Variants in SLC36A4 observed in about 807,000 individuals in gnomAD.
The protein encoded by SLC36A4 is neutral amino acid uniporter 4.
In SLC36A4, 49 loss-of-function variants were observed where a neutral mutation model predicts 50.5. That is an observed-to-expected ratio of 0.97 (90% CI 0.77 to 1.23). SLC36A4 has a LOEUF of 1.23. SLC36A4 is among the 50% of genes most tolerant of loss of function. The probability of loss-of-function intolerance (pLI) is 0.00; values close to 1 mark genes in which losing one functional copy is unlikely to be tolerated. For synonymous variants in SLC36A4, 207 were observed against 206.5 expected (o/e 1.00, Z -0.02); for missense variants, 611 against 608.4 (o/e 1.00, Z -0.05).
chr11:93,156,405 G>A (rs1308070500), intron 9 of SLC36A4, among the ~76,000 whole-genome samples: 2 of 151,352 alleles, frequency 1.3e-5, no homozygotes, highest in East Asian at 1.9e-4. Flanking sequence ...GTCTGTTCAC[G>A]TCCTTTGCCC....
chr11:93,160,226 A>C, intron 9 of SLC36A4: 1 of 985,414 alleles, frequency 1.0e-6, no homozygotes, highest in Non-Finnish European at 1.2e-6. Flanking sequence ...ACAGAAACAG[A>C]CTATAGGCTG....
rs556226591 is a variant in SLC36A4 at position 93,168,305 on chromosome 11, AC to A, written c.541-135del. The stretch of plus-strand genomic sequence containing the variant: ...TCCTATGATATATTTTAAAATATTT[AC>A]ATTTACATTTTTTCAAGATACTCTG... On this transcript the variant is annotated intron_variant, in intron 6 of 10. Coordinates refer to ENST00000326402, the MANE Select transcript of SLC36A4 (RefSeq NM_152313.4). 166 of 464,386 alleles carry A rather than the reference AC, an allele frequency of 3.6e-4. No individual in the cohort carries two copies. In the South Asian group the frequency reaches 4.3e-3, roughly 12 times the overall value. The allele number at this position is 464,386 out of a possible 1,614,324, so 28.8% of individuals were successfully genotyped here.
At chr11:93,182,380 A>ACCAT in intron 4 of SLC36A4, 1 of 239,688 alleles carries the variant, frequency 4.2e-6, no homozygotes, top group Non-Finnish European at 6.7e-6. Flanking sequence ...TGTCCAGTAG[A>ACCAT]AGTATTTCAT....
intron 6 of SLC36A4, among the ~76,000 whole-genome samples, chr11:93,174,790 G>A (rs1428502496): frequency 2.1e-5 from 3 of 144,592 alleles, no homozygotes; most frequent in Non-Finnish European, 1.5e-5. Flanking sequence ...GCATCCCAGG[G>A]TTGAAGCCCA....
intron 9 of SLC36A4, among the ~76,000 whole-genome samples, chr11:93,158,799 T>C: frequency 1.3e-5 from 2 of 152,072 alleles, no homozygotes; most frequent in East Asian, 3.9e-4. Flanking sequence ...GTTTTAGAAA[T>C]GAAGAACATT....
intron 6 of SLC36A4, among the ~76,000 whole-genome samples, chr11:93,169,831 A>G (rs551514667): frequency 6.6e-6 from 1 of 152,248 alleles, no homozygotes; most frequent in South Asian, 2.1e-4. Context: ...TTAACATTCT[A>G]GTAACTAAAT....
At position 93,186,140 on chromosome 11, in the gene SLC36A4, T is replaced by C. The variant is rs147152957; in HGVS notation, c.56-326A>G. Among the ~76,000 whole-genome samples the C allele has an allele frequency of 6.6e-4, 100 of 152,340 alleles. 3 individuals are homozygous for C. The highest frequency in any genetic ancestry group is 3.4e-3 in the Middle Eastern group (1 of 294). On this transcript the variant is annotated intron_variant, in intron 1 of 10. Transcript: ENST00000326402. ...AGAAATGTAAAGAAATGATCAAATA[T>C]ATTTTCATCGCTGCTTAGCTTCAAA...
intron 3 of SLC36A4, 93 bp downstream of exon 3, chr11:93,184,337 T>C (rs1861881251): frequency 1.3e-6 from 1 of 777,606 alleles, no homozygotes; most frequent in African/African-American, 1.8e-5. Flanking sequence ...AATGTCACCT[T>C]ACCAGGTTAT....
intron 9 of SLC36A4, chr11:93,160,741 A>G (rs1266010142): frequency 2.0e-6 from 2 of 982,796 alleles, no homozygotes; most frequent in Non-Finnish European, 2.4e-6. Context: ...AGACCGGGAA[A>G]GAATTTTGAC....
chr11:93,180,938 T>G (rs541001924), intron 5 of SLC36A4, 57 bp from the exon 6 acceptor site: 1 of 1,154,744 alleles, frequency 8.7e-7, no homozygotes, highest in Non-Finnish European at 1.3e-6. Flanking sequence ...TGTCAATATA[T>G]TTTATTTCTC....
At chr11:93,188,087 C>T (rs930549058) in intron 1 of SLC36A4, among the ~76,000 whole-genome samples, 2 of 152,180 alleles carry the variant, frequency 1.3e-5, no homozygotes, top group African/African-American at 4.8e-5. Context: ...ACTCCCCTCC[C>T]CCACTCTCCA....
At position 93,145,985 on chromosome 11, in the gene SLC36A4, G is replaced by GA. The variant is rs1457604151; in HGVS notation, c.*2551dup. On this transcript the variant is annotated 3_prime_UTR_variant, in exon 11 of 11. Coordinates refer to ENST00000326402, the MANE Select transcript of SLC36A4 (RefSeq NM_152313.4). ...CCATCTAAATAGTGTTTCTTGTTGA[G>GA]AATTAAAACTTTCTTCCTTTTTAGC... 6.6e-6 allele frequency: 1 copy of GA among 151,946 alleles called. No individual in the cohort carries two copies. The highest frequency in any genetic ancestry group is 1.5e-5 in the Non-Finnish European group (1 of 67,954). The allele number at this position is 151,946 out of a possible 1,614,324, so 9.4% of individuals were successfully genotyped here.
chr11:93,161,891 T>C (rs1590942160), intron 9 of SLC36A4, among the ~76,000 whole-genome samples: 1 of 152,284 alleles, frequency 6.6e-6, no homozygotes, highest in East Asian at 1.9e-4. Flanking sequence ...GGAAAAATCA[T>C]ATACATATGA....
chr11:93,173,471 T>C (rs1218137095), intron 6 of SLC36A4, among the ~76,000 whole-genome samples: 6 of 149,864 alleles, frequency 4.0e-5, no homozygotes, highest in African/African-American at 1.2e-4. Flanking sequence ...TTTGTCAATT[T>C]TGTCTTTTGT....
At chr11:93,166,329 C>T in intron 7 of SLC36A4, 7 of 1,059,230 alleles carry the variant, frequency 6.6e-6, no homozygotes, top group Non-Finnish European at 8.0e-6. Flanking sequence ...ACAGGAAATA[C>T]ATAAGCACAC....
chr11:93,173,576 TTAGG>T (rs1861291501), intron 6 of SLC36A4, among the ~76,000 whole-genome samples: 1 of 121,012 alleles, frequency 8.3e-6, no homozygotes, highest in Non-Finnish European at 1.7e-5. Context: ...TTTTATGGTT[TTAGG>T]TCTAACGTTT....
chr11:93,190,700 C>T (rs959302950), intron 1 of SLC36A4, among the ~76,000 whole-genome samples: 1 of 152,136 alleles, frequency 6.6e-6, no homozygotes, highest in Admixed American at 6.5e-5. Flanking sequence ...TGCAATGTGA[C>T]GTTACTAGCT....
chr11:93,145,103 G>A lies in SLC36A4; in HGVS notation c.*3434C>T, dbSNP rs1234569652. 1.3e-5 allele frequency: 2 copies of A among 152,128 alleles called. No homozygotes were observed. Among genetic ancestry groups the A allele is most frequent in the African/African-American group, 4.8e-5 (2 of 41,550 alleles). The allele number at this position is 152,128 out of a possible 1,614,324, so 9.4% of individuals were successfully genotyped here. The stretch of plus-strand genomic sequence containing the variant: ...GAAATCTATGAGAAGACATAAGTAA[G>A]CTATAGTAAGACTTGTGCCTTGCCA... On this transcript the variant is annotated 3_prime_UTR_variant, in exon 11 of 11. Coordinates refer to ENST00000326402, the MANE Select transcript of SLC36A4 (RefSeq NM_152313.4).
rs1378521988 is a variant in SLC36A4 at position 93,146,887 on chromosome 11, GA to G, written c.*1649del. 2.0e-5 allele frequency: 3 copies of G among 152,078 alleles called. No homozygotes were observed. Among genetic ancestry groups the G allele is most frequent in the Non-Finnish European group, 4.4e-5 (3 of 67,996 alleles). 9.4% of individuals were successfully genotyped at this position (152,078 alleles called of 1,614,324 possible). A position where few individuals can be genotyped will look rare whatever the true frequency, so the allele number is the denominator to read the frequency against. The stretch of plus-strand genomic sequence containing the variant: ...ATAATTAGAAGTTATTTGTCTGAAA[GA>G]AGCCTGGAGTGTCTCAATATTTAGA... On this transcript the variant is annotated 3_prime_UTR_variant, in exon 11 of 11. Coordinates refer to ENST00000326402, the MANE Select transcript of SLC36A4 (RefSeq NM_152313.4).
Sources: gnomAD v4.1 joint callset for allele counts (sites outside exome capture counted in the v4.1 genomes callset) on GRCh38, gnomAD v4.1.1 for gene constraint, MANE v1.5 for transcripts, NCBI Gene and HGNC (gene_info 2026-07-23, HGNC 2026-07-21) for gene names.